CDCA2: variants seen among roughly 807,000 people sequenced by gnomAD.
CDCA2 encodes the protein cell division cycle-associated protein 2.
Under a neutral mutation model 67.0 loss-of-function variants are expected in CDCA2, and 44 were observed. That is an observed-to-expected ratio of 0.66 (90% CI 0.52 to 0.84). The LOEUF (loss-of-function observed/expected upper bound fraction) is 0.84, where lower values mean the gene tolerates loss of function less well. Among genes scored for constraint, CDCA2 ranks in the 40% least tolerant of loss-of-function variants. The pLI, the probability that CDCA2 is intolerant of heterozygous loss-of-function variation, is 0.00. For synonymous variants in CDCA2, 447 were observed against 418.7 expected (o/e 1.07, Z -0.82); for missense variants, 1,253 against 1,203.2 (o/e 1.04, Z -0.61).
chr8:25,465,374 T>TTAG (rs35485314), intron 4 of CDCA2, among the ~76,000 whole-genome samples: 45,988 of 151,942 alleles, frequency 0.3, 6,986 homozygotes, highest in Non-Finnish European at 0.31. Context: ...AGTGGAAATG[T>TTAG]TAGTAGTCCA....
intron 13 of CDCA2, among the ~76,000 whole-genome samples, chr8:25,490,118 T>C (rs1227364875): frequency 1.3e-5 from 2 of 152,150 alleles, no homozygotes; most frequent in Non-Finnish European, 2.9e-5. Flanking sequence ...CTTGATAAAA[T>C]GATGAAAGAT....
chr8:25,485,182 T>TAAA (rs997598756), intron 10 of CDCA2, among the ~76,000 whole-genome samples: 17 of 83,746 alleles, frequency 2.0e-4, no homozygotes, highest in African/African-American at 6.3e-4. Flanking sequence ...ACTTAAAGTA[T>TAAA]AATAATAATA....
intron 7 of CDCA2, chr8:25,479,681 A>C (rs1050710046): frequency 1.9e-5 from 10 of 531,874 alleles, no homozygotes; most frequent in Non-Finnish European, 3.4e-5. Context: ...CCAAATCCCC[A>C]TACCCACTTT....
Position 25,489,355 on chromosome 8 carries a change from C to A in CDCA2, c.1671+666C>A, listed in dbSNP as rs1161128907. Among the ~76,000 whole-genome samples the A allele has an allele frequency of 6.6e-5, 10 of 152,216 alleles. 1 individual carries two copies. Among genetic ancestry groups the A allele is most frequent in the Admixed American group, 6.5e-4 (10 of 15,284 alleles). On this transcript the variant is annotated intron_variant, in intron 13 of 14. Coordinates refer to ENST00000330560, the MANE Select transcript of CDCA2 (RefSeq NM_152562.4). Reference sequence around the variant, plus strand: ...CTATTCACTCTCTTACTCTGCAGTTCCTTCTGTACTGCTAAGCTTTCAGAT... The same window carrying A: ...CTATTCACTCTCTTACTCTGCAGTTACTTCTGTACTGCTAAGCTTTCAGAT...
At chr8:25,467,829 T>C (rs1431067504) in intron 5 of CDCA2, among the ~76,000 whole-genome samples, 1 of 152,124 alleles carries the variant, frequency 6.6e-6, no homozygotes, top group Admixed American at 6.6e-5. Flanking sequence ...AAAATTACGA[T>C]GCACAATAGC....
At position 25,468,446 on chromosome 8, in the gene CDCA2, AGTT is replaced by A. The variant is rs1160510375; in HGVS notation, c.735+38_735+40del. On this transcript the variant is annotated intron_variant, in intron 6 of 14. Coordinates refer to ENST00000330560, the MANE Select transcript of CDCA2 (RefSeq NM_152562.4). ...ACTTACTTTACGCATAGGAAAATGA[AGTT>A]GTTGGTTTTCTGCATAGGCAGTTTT... The A allele has an allele frequency of 2.5e-6, 4 of 1,575,742 alleles. No homozygotes were observed. The East Asian group carries it at 9.0e-5, about 36-fold the overall frequency.
At position 25,479,938 on chromosome 8, in the gene CDCA2, G is replaced by A. The variant is rs1156474411; in HGVS notation, c.846G>A (p.Val282=). The change falls in exon 8 of 15, where the codon GTG becomes GTA. Residue 282 remains valine (V), a synonymous_variant. Coordinates refer to ENST00000330560, the MANE Select transcript of CDCA2 (RefSeq NM_152562.4). ...CACTAAAGGTTGCTGACTGTGTAGTGGGCAAAGGATCAAGTGATGCCGTTT... is the reference window on the plus strand; with the variant it reads ...CACTAAAGGTTGCTGACTGTGTAGTAGGCAAAGGATCAAGTGATGCCGTTT... ...SNALKVADCV[V]GKGSSDAVSP... 5 of 1,613,984 alleles carry A rather than the reference G, an allele frequency of 3.1e-6. No individual in the cohort carries two copies. The highest frequency in any genetic ancestry group is 4.2e-6 in the Non-Finnish European group (5 of 1,180,024).
chr8:25,482,352 T>G (rs59892747), intron 8 of CDCA2, among the ~76,000 whole-genome samples: 61,256 of 151,984 alleles, frequency 0.4, 12,737 homozygotes, highest in African/African-American at 0.52. Flanking sequence ...TTTTTCTTGT[T>G]TTAATGCAGT....
At chr8:25,476,468 C>T (rs552284145) in intron 7 of CDCA2, among the ~76,000 whole-genome samples, 1 of 152,228 alleles carries the variant, frequency 6.6e-6, no homozygotes, top group Admixed American at 6.5e-5. Context: ...CACCCCTAAG[C>T]CCTCCTGCAT....
Position 25,506,956 on chromosome 8 carries a change from G to A in CDCA2, c.2290G>A (p.Glu764Lys), listed in dbSNP as rs1172070639. The A allele has an allele frequency of 6.2e-7, 1 of 1,613,908 alleles. No individual in the cohort carries two copies. The highest frequency in any genetic ancestry group is 1.3e-5 in the African/African-American group (1 of 75,022). ...TTCACCAGATTTAAACATAAAGTGT[G>A]AAAGAAAGGATGACTTCTTAGGAGC... is the stretch of plus-strand genomic sequence containing the variant. ...KISPDLNIKC[E>K]RKDDFLGAAE... The change falls in exon 15 of 15, where the codon GAA becomes AAA. Residue 764 changes from glutamate to lysine, a missense_variant. By Grantham distance (56) the Glu-to-Lys change is moderately conservative. Transcript: ENST00000330560.
At chr8:25,471,979 G>C (rs2117494213) in intron 7 of CDCA2, 1 of 152,306 alleles carries the variant, frequency 6.6e-6, no homozygotes, top group South Asian at 2.1e-4. Context: ...CCCAGACAGT[G>C]CACCTTCAGG....
chr8:25,460,404 G>C lies in CDCA2; in HGVS notation c.82G>C (p.Gly28Arg). 1.9e-6 allele frequency: 3 copies of C among 1,614,070 alleles called. No individual in the cohort carries two copies. Among genetic ancestry groups the C allele is most frequent in the Non-Finnish European group, 2.5e-6 (3 of 1,180,020 alleles). ...TTCAGGAAATGCCTCTTTCATTTTG[G>C]GAACTGGGAAGATTGTGACTCCTCA... is the stretch of plus-strand genomic sequence containing the variant. ...NNAGNASFIL[G>R]TGKIVTPQKH... Residue 28 changes from glycine (G) to arginine (R), a missense_variant, in exon 3 of 15, where the codon GGA becomes CGA. Gly to Arg is a moderately radical substitution (Grantham distance 125). Coordinates refer to ENST00000330560, the MANE Select transcript of CDCA2 (RefSeq NM_152562.4).
intron 13 of CDCA2, among the ~76,000 whole-genome samples, chr8:25,494,030 G>A (rs1361889842): frequency 1.3e-5 from 2 of 152,200 alleles, no homozygotes; most frequent in African/African-American, 4.8e-5. Context: ...AAAAACTATG[G>A]TGTTTCCACA....
chr8:25,489,704 C>G (rs911941961), intron 13 of CDCA2, among the ~76,000 whole-genome samples: 1 of 152,210 alleles, frequency 6.6e-6, no homozygotes, highest in Non-Finnish European at 1.5e-5. Context: ...CATGATGGAA[C>G]ACTCCTGTAC....
At chr8:25,503,266 A>G (rs2117554039) in intron 13 of CDCA2, 107 bp from the exon 14 acceptor site, 1 of 818,532 alleles carries the variant, frequency 1.2e-6, no homozygotes, top group Non-Finnish European at 1.9e-6. Flanking sequence ...CTGGATGACA[A>G]AGTGAGACCC....
At chr8:25,471,849 G>A (rs368001244) in intron 7 of CDCA2, among the ~76,000 whole-genome samples, 9 of 152,300 alleles carry the variant, frequency 5.9e-5, no homozygotes, top group East Asian at 1.9e-4. Flanking sequence ...CCATGAGGCC[G>A]TACTCAGAAA....
At chr8:25,465,072 C>G (rs1266052242) in intron 4 of CDCA2, among the ~76,000 whole-genome samples, 3 of 152,202 alleles carry the variant, frequency 2.0e-5, no homozygotes, top group African/African-American at 7.2e-5. Context: ...CTCCCAGGTT[C>G]AAGCGATTCT....
chr8:25,472,751 AT>A (rs1803207526), intron 7 of CDCA2, among the ~76,000 whole-genome samples: 1 of 152,154 alleles, frequency 6.6e-6, no homozygotes, highest in Non-Finnish European at 1.5e-5. Flanking sequence ...AACTGTATAT[AT>A]TTATGGGGAA....
At chr8:25,461,920 G>C (rs781362743) in intron 3 of CDCA2, 134 bp from the exon 4 acceptor site, 2 of 774,616 alleles carry the variant, frequency 2.6e-6, no homozygotes, top group Non-Finnish European at 2.1e-6. Flanking sequence ...GACTGTGCCA[G>C]TAACTCTCCA....
Sources: allele counts gnomAD v4.1 joint callset (sites outside exome capture counted in the v4.1 genomes callset), GRCh38; gene constraint gnomAD v4.1.1; transcripts MANE v1.5; gene names NCBI Gene and HGNC (gene_info 2026-07-23, HGNC 2026-07-21).